Variants in SIPA1L3 observed in about 807,000 individuals in gnomAD.
The protein encoded by SIPA1L3 is signal induced proliferation associated 1 like 3, also known as signal-induced proliferation-associated 1-like protein 3.
Under a neutral mutation model 150.1 loss-of-function variants are expected in SIPA1L3, and 59 were observed. That is an observed-to-expected ratio of 0.39 (90% CI 0.32 to 0.49). The LOEUF is 0.49. Among genes scored for constraint, SIPA1L3 ranks in the 20% least tolerant of loss-of-function variants. The probability of loss-of-function intolerance (pLI) is 0.86; values close to 1 mark genes in which losing one functional copy is unlikely to be tolerated. For missense variants in SIPA1L3, 2,211 were observed against 2,489.5 expected (o/e 0.89, Z 2.38); for synonymous variants, 1,070 against 1,077.6 (o/e 0.99, Z 0.14).
chr19:38,040,533 GTCAA>G (rs1457609797), intron 2 of SIPA1L3, among the ~76,000 whole-genome samples: 1 of 152,136 alleles, frequency 6.6e-6, no homozygotes, highest in Non-Finnish European at 1.5e-5. Context: ...CTGTTTGTGA[GTCAA>G]TCAGACTCAT....
chr19:37,941,087 T>TACACAC (rs59368800), intron 1 of SIPA1L3, among the ~76,000 whole-genome samples: 18,119 of 128,498 alleles, frequency 0.14, 1,334 homozygotes, highest in South Asian at 0.17. Flanking sequence ...CACACACACA[T>TACACAC]ACACACACAC....
chr19:37,996,461 G>A (rs1177368137), intron 1 of SIPA1L3, among the ~76,000 whole-genome samples: 1 of 152,112 alleles, frequency 6.6e-6, no homozygotes, highest in Non-Finnish European at 1.5e-5. Context: ...TGTGTACATT[G>A]TAGAATGGCT....
intron 15 of SIPA1L3, among the ~76,000 whole-genome samples, chr19:38,170,993 A>G (rs1404294200): frequency 6.6e-6 from 1 of 152,122 alleles, no homozygotes; most frequent in Admixed American, 6.5e-5. Context: ...TCTGGGCCTC[A>G]ATATATGTTG....
intron 1 of SIPA1L3, among the ~76,000 whole-genome samples, chr19:37,986,068 G>C (rs1967342669): frequency 6.6e-6 from 1 of 152,234 alleles, no homozygotes; most frequent in Non-Finnish European, 1.5e-5. Context: ...AGCCAAGCCA[G>C]ACTGGGCATG....
chr19:38,073,393 G>A (rs1249078192), intron 2 of SIPA1L3, among the ~76,000 whole-genome samples: 3 of 152,186 alleles, frequency 2.0e-5, no homozygotes, highest in Non-Finnish European at 2.9e-5. Flanking sequence ...ATGACTAAAT[G>A]TCTTCACCGT....
At chr19:38,025,924 G>T (rs981673812) in intron 1 of SIPA1L3, among the ~76,000 whole-genome samples, 5 of 152,204 alleles carry the variant, frequency 3.3e-5, no homozygotes, top group Admixed American at 3.3e-4. Context: ...CTGTTTCTAT[G>T]TATAGTGACT....
At chr19:38,034,883 C>T (rs1968744588) in intron 2 of SIPA1L3, among the ~76,000 whole-genome samples, 1 of 152,212 alleles carries the variant, frequency 6.6e-6, no homozygotes, top group Non-Finnish European at 1.5e-5. Context: ...GTTGATTGCG[C>T]ACACATTTGA....
At chr19:38,129,688 A>C (rs1971264039) in intron 9 of SIPA1L3, among the ~76,000 whole-genome samples, 1 of 152,100 alleles carries the variant, frequency 6.6e-6, no homozygotes, top group Non-Finnish European at 1.5e-5. Context: ...CCAACCTAGA[A>C]AAGGTCCCAG....
rs1969995908 is a variant in SIPA1L3, at chr19:38,081,993, G to A, written c.428G>A (p.Arg143Lys). Residue 143 changes from arginine to lysine, a missense_variant, in exon 3 of 22, where the codon AGG becomes AAG. This residue lies in a region of SIPA1L3 where 587 missense variants were observed against 534.5 expected (regional missense o/e 1.10). Transcript: ENST00000222345. ...TCCAAAGCCTTCCACCGACTCTCCA[G>A]GAGAAGGTCCAAAGACGTGGAGTTC... is the stretch of plus-strand genomic sequence containing the variant. ...SGSKAFHRLS[R>K]RRSKDVEFQD... is the part of the protein sequence containing the mutation. The A allele has an allele frequency of 1.9e-6, 3 of 1,614,072 alleles. No individual in the cohort carries two copies. The highest frequency in any genetic ancestry group is 1.7e-5 in the Admixed American group (1 of 60,016).
intron 1 of SIPA1L3, among the ~76,000 whole-genome samples, chr19:38,023,860 G>GA (rs1254359803): frequency 6.6e-6 from 1 of 152,212 alleles, no homozygotes; most frequent in Non-Finnish European, 1.5e-5. Flanking sequence ...CTCCAAGACA[G>GA]AAACAGAAGA....
At chr19:38,185,369 A>T (rs1460265468) in intron 16 of SIPA1L3, 1 of 152,166 alleles carries the variant, frequency 6.6e-6, no homozygotes, top group African/African-American at 2.4e-5. Context: ...AGTGTGGCCC[A>T]AGTTGGGCCC....
intron 1 of SIPA1L3, among the ~76,000 whole-genome samples, chr19:37,933,139 C>T (rs1330887920): frequency 1.3e-5 from 2 of 151,972 alleles, no homozygotes; most frequent in Non-Finnish European, 2.9e-5. Context: ...AGTCCCCCCT[C>T]CCCAACCCCA....
intron 1 of SIPA1L3, among the ~76,000 whole-genome samples, chr19:37,984,980 G>A (rs891818586): frequency 6.6e-6 from 1 of 152,230 alleles, no homozygotes; most frequent in Non-Finnish European, 1.5e-5. Flanking sequence ...ATGCAGCAGA[G>A]AAGACAGACC....
chr19:37,938,220 A>T (rs905883559), intron 1 of SIPA1L3, among the ~76,000 whole-genome samples: 1 of 152,132 alleles, frequency 6.6e-6, no homozygotes, highest in Non-Finnish European at 1.5e-5. Context: ...TGTTTTAGGC[A>T]TTTCCATGCC....
chr19:38,197,367 T>A (rs970033830), intron 18 of SIPA1L3, among the ~76,000 whole-genome samples: 1 of 152,024 alleles, frequency 6.6e-6, no homozygotes, highest in African/African-American at 2.4e-5. Context: ...CCTGGGACTC[T>A]CTCAATAGCC....
At chr19:38,180,684 T>C (rs1972536021) in intron 15 of SIPA1L3, among the ~76,000 whole-genome samples, 1 of 151,910 alleles carries the variant, frequency 6.6e-6, no homozygotes, top group African/African-American at 2.4e-5. Context: ...ACTGGGATTA[T>C]ATGGATGCGC....
chr19:38,106,287 A>G (rs1488564880), intron 6 of SIPA1L3: 2 of 361,780 alleles, frequency 5.5e-6, no homozygotes, highest in Admixed American at 8.6e-5. Context: ...TTGTGCTTTT[A>G]GTAGAGACGG....
At chr19:37,944,983 C>G (rs760653481) in intron 1 of SIPA1L3, among the ~76,000 whole-genome samples, 14 of 152,076 alleles carry the variant, frequency 9.2e-5, no homozygotes, top group Admixed American at 2.0e-4. Flanking sequence ...GCATTCAATA[C>G]ACCTCACCTT....
chr19:38,171,509 C>T (rs1972327217), intron 15 of SIPA1L3, among the ~76,000 whole-genome samples: 2 of 150,728 alleles, frequency 1.3e-5, no homozygotes, highest in African/African-American at 4.9e-5. Context: ...TCTCCTGCCT[C>T]AGCCTCCCGA....
Sources: gnomAD v4.1 joint callset for allele counts (sites outside exome capture counted in the v4.1 genomes callset) on GRCh38, gnomAD v4.1.1 for gene constraint, gnomAD v4.1.1 regional missense constraint, MANE v1.5 for transcripts, NCBI Gene and HGNC (gene_info 2026-07-23, HGNC 2026-07-21) for gene names.